FOXP1: variants seen among roughly 807,000 people sequenced by gnomAD.
FOXP1 encodes forkhead box P1, also known as forkhead box protein P1.
In FOXP1, 15 loss-of-function variants were observed where a neutral mutation model predicts 98.2. That is an observed-to-expected ratio of 0.15 (90% confidence interval 0.10 to 0.24). The LOEUF is 0.24. Among genes scored for constraint, FOXP1 ranks in the 10% least tolerant of loss-of-function variants. The pLI, the probability that FOXP1 is intolerant of heterozygous loss-of-function variation, is 1.00. For synonymous variants in FOXP1, 371 were observed against 314.5 expected (o/e 1.18, Z -1.90); for missense variants, 633 against 848.5 (o/e 0.75, Z 3.15).
intron 6 of FOXP1, among the ~76,000 whole-genome samples, chr3:71,121,560 C>G (rs2058776518): frequency 6.6e-6 from 1 of 152,028 alleles, no homozygotes; most frequent in Non-Finnish European, 1.5e-5. Context: ...GGCTGGTTGC[C>G]CCTCTTGGAG....
chr3:71,127,875 C>T (rs2059323963), intron 6 of FOXP1, among the ~76,000 whole-genome samples: 1 of 152,144 alleles, frequency 6.6e-6, no homozygotes, highest in Non-Finnish European at 1.5e-5. Flanking sequence ...TTATCCAACC[C>T]AACTGCCTTT....
At position 71,370,763 on chromosome 3, in the gene FOXP1, C is replaced by T. The variant is rs138040514; in HGVS notation, c.-167-11519G>A. 6.5e-3 allele frequency among the ~76,000 whole-genome samples: 978 copies of T among 150,898 alleles called. 25 individuals carry two copies. The highest frequency in any genetic ancestry group is 4.0e-3 in the Non-Finnish European group (268 of 67,816). The stretch of plus-strand genomic sequence containing the variant: ...TCACCTGGAGGTCTTGTTACAAGCA[C>T]ATTGCTAGGTCCCAACCCTAGAGTT... On this transcript the variant is annotated intron_variant, in intron 3 of 20. Coordinates refer to ENST00000649528, the MANE Select transcript of FOXP1 (RefSeq NM_001349338.3).
At chr3:71,068,516 G>A (rs929684429) in intron 7 of FOXP1, among the ~76,000 whole-genome samples, 6 of 152,202 alleles carry the variant, frequency 3.9e-5, no homozygotes, top group African/African-American at 1.4e-4. Context: ...CGAAAGGCCT[G>A]CTTTGCCAGA....
At chr3:71,338,889 C>T (rs2107767892) in intron 4 of FOXP1, among the ~76,000 whole-genome samples, 1 of 152,232 alleles carries the variant, frequency 6.6e-6, no homozygotes, top group Middle Eastern at 3.4e-3. Flanking sequence ...GTGCAAGGTA[C>T]CACACGCTAA....
chr3:71,298,644 T>G (rs976457117), intron 5 of FOXP1, among the ~76,000 whole-genome samples: 14 of 152,170 alleles, frequency 9.2e-5, no homozygotes, highest in Admixed American at 4.6e-4. Context: ...CCTGCAAAGG[T>G]TTCATTTAAA....
chr3:71,276,868 T>C (rs1276215177), intron 5 of FOXP1, among the ~76,000 whole-genome samples: 5 of 152,006 alleles, frequency 3.3e-5, no homozygotes, highest in Admixed American at 6.6e-5. Context: ...TACCTAGCTA[T>C]AATGTTGTAT....
chr3:71,502,060 C>CCGG, intron 2 of FOXP1, among the ~76,000 whole-genome samples: 1 of 152,218 alleles, frequency 6.6e-6, no homozygotes, highest in East Asian at 1.9e-4. Context: ...AAGAGTCCCC[C>CCGG]AGAAGCCCAC....
intron 7 of FOXP1, among the ~76,000 whole-genome samples, chr3:71,070,706 G>T (rs1559868444): frequency 6.6e-6 from 1 of 152,156 alleles, no homozygotes; most frequent in Non-Finnish European, 1.5e-5. Flanking sequence ...TGGGCATTAG[G>T]GGGTAAATTT....
At chr3:71,558,098 C>T (rs2046269516) in intron 2 of FOXP1, among the ~76,000 whole-genome samples, 3 of 152,058 alleles carry the variant, frequency 2.0e-5, no homozygotes, top group Admixed American at 2.0e-4. Context: ...ACCCAGCAAA[C>T]CTGTATTTCT....
At chr3:71,429,267 T>C (rs894702591) in intron 3 of FOXP1, among the ~76,000 whole-genome samples, 2 of 152,132 alleles carry the variant, frequency 1.3e-5, no homozygotes, top group East Asian at 1.9e-4. Flanking sequence ...CTGGGTTCTG[T>C]CTGTCTTCAC....
In FOXP1 at chr3:71,568,351, C is replaced by T. The variant is rs964262248; in HGVS notation, c.-298+13198G>A. 5.3e-5 allele frequency among the ~76,000 whole-genome samples: 8 copies of T among 152,182 alleles called. 1 individual carries two copies. Among genetic ancestry groups the T allele is most frequent in the Admixed American group, 5.2e-4 (8 of 15,280 alleles). The stretch of plus-strand genomic sequence containing the variant: ...CCTCAGGCTGCTATGCCTGTCCCAA[C>T]CTGGTCCTCCTGTTCTACAGAGGAA... On this transcript the variant is annotated intron_variant, in intron 2 of 20. Coordinates refer to ENST00000649528, the MANE Select transcript of FOXP1 (RefSeq NM_001349338.3).
chr3:71,442,643 C>T (rs2086050140), intron 3 of FOXP1, among the ~76,000 whole-genome samples: 1 of 152,148 alleles, frequency 6.6e-6, no homozygotes, highest in Admixed American at 6.5e-5. Flanking sequence ...TTCCTCCATT[C>T]CATGGTCTTG....
At chr3:71,148,282 C>G (rs762628613) in intron 6 of FOXP1, among the ~76,000 whole-genome samples, 1 of 152,054 alleles carries the variant, frequency 6.6e-6, no homozygotes, top group Non-Finnish European at 1.5e-5. Context: ...GAGGCTGAGG[C>G]AAGAGAATCA....
At chr3:71,379,190 G>T (rs1168665007) in intron 3 of FOXP1, among the ~76,000 whole-genome samples, 2 of 152,046 alleles carry the variant, frequency 1.3e-5, no homozygotes, top group Non-Finnish European at 2.9e-5. Context: ...CATGTTATCT[G>T]TGTGATGGTT....
At chr3:71,279,172 CAAA>C (rs11308828) in intron 5 of FOXP1, among the ~76,000 whole-genome samples, 5 of 69,780 alleles carry the variant, frequency 7.2e-5, no homozygotes, top group Non-Finnish European at 8.3e-5. Flanking sequence ...AACTCCATCT[CAAA>C]AAAAAAAAAA....
At chr3:71,001,192 T>C (rs2107614309) in intron 12 of FOXP1, 133 bp from the exon 13 acceptor site, 1 of 690,694 alleles carries the variant, frequency 1.4e-6, no homozygotes, top group South Asian at 1.5e-5. Context: ...GGGTGGCCTG[T>C]CCTTTCCATC....
chr3:71,401,725 C>T (rs2081968068), intron 3 of FOXP1, among the ~76,000 whole-genome samples: 2 of 152,108 alleles, frequency 1.3e-5, no homozygotes, highest in South Asian at 4.1e-4. Context: ...TTGATACCTT[C>T]CTTCGCTAAA....
intron 2 of FOXP1, among the ~76,000 whole-genome samples, chr3:71,533,501 T>A (rs555341907): frequency 2.0e-5 from 3 of 152,234 alleles, no homozygotes; most frequent in Non-Finnish European, 4.4e-5. Context: ...ACTGTTTATG[T>A]TACCAGGAAA....
intron 6 of FOXP1, among the ~76,000 whole-genome samples, chr3:71,133,869 TTA>T (rs933605205): frequency 4.0e-4 from 61 of 152,258 alleles, no homozygotes; most frequent in African/African-American, 1.4e-3. Flanking sequence ...AAAAAACACT[TTA>T]TATGTCAGTC....
Sources: allele counts gnomAD v4.1 joint callset (sites outside exome capture counted in the v4.1 genomes callset), GRCh38; gene constraint gnomAD v4.1.1; transcripts MANE v1.5; gene names NCBI Gene and HGNC (gene_info 2026-07-23, HGNC 2026-07-21).